The following HS2ST1 variants were observed in gnomAD, a reference collection of about 807,000 sequenced individuals.
HS2ST1 encodes heparan sulfate 2-O-sulfotransferase 1.
In HS2ST1, 18 loss-of-function variants were observed where a neutral mutation model predicts 42.9. That is an observed-to-expected ratio of 0.42 (90% CI 0.29 to 0.62). The LOEUF is 0.62. Among genes scored for constraint, HS2ST1 ranks in the 20% least tolerant of loss-of-function variants. The pLI is 0.21. For missense variants in HS2ST1, 334 were observed against 433.8 expected, an observed-to-expected ratio of 0.77 and a Z score of 2.04; for synonymous variants, 146 against 152.9, an observed-to-expected ratio of 0.95 and a Z score of 0.33.
intron 1 of HS2ST1, among the ~76,000 whole-genome samples, chr1:87,070,302 A>G (rs1056017050): frequency 6.6e-6 from 1 of 152,160 alleles, no homozygotes; most frequent in Non-Finnish European, 1.5e-5. Flanking sequence ...GAATATAATA[A>G]TGTTCAGGCC....
At chr1:87,066,839 T>C (rs1380566826) in intron 1 of HS2ST1, among the ~76,000 whole-genome samples, 1 of 152,042 alleles carries the variant, frequency 6.6e-6, no homozygotes, top group Non-Finnish European at 1.5e-5. Context: ...TTTTCTGTTC[T>C]TGTTAGTTTG....
chr1:87,104,692 A>T lies in HS2ST1; in HGVS notation c.1067A>T (p.Asn356Ile), dbSNP rs1652291815. The part of the protein sequence containing the change: ...FFYEKIYPKS[N>I] ...TATGAAAAGATTTACCCTAAGTCGAACTGAGTATAAGGTGTGACTATTGGA... is the reference window on the plus strand; with the variant it reads ...TATGAAAAGATTTACCCTAAGTCGATCTGAGTATAAGGTGTGACTATTGGA... Residue 356 changes from asparagine (N) to isoleucine (I), a missense_variant, in exon 7 of 7, where the codon AAC becomes ATC. Physicochemically the swap from Asn to Ile is moderately radical, Grantham distance 149 (BLOSUM62 -3). Transcript: ENST00000370550. The T allele has an allele frequency of 1.9e-6, 3 of 1,583,754 alleles. No homozygotes were observed. The highest frequency in any genetic ancestry group is 2.7e-5 in the African/African-American group (2 of 74,474).
At chr1:86,928,339 C>T (rs1486934057) in intron 1 of HS2ST1, among the ~76,000 whole-genome samples, 1 of 151,920 alleles carries the variant, frequency 6.6e-6, no homozygotes, top group Non-Finnish European at 1.5e-5. Context: ...CTTCTTCAAC[C>T]TTGCATTTGA....
intron 1 of HS2ST1, among the ~76,000 whole-genome samples, chr1:86,949,537 T>G (rs1182214210): frequency 6.6e-6 from 1 of 152,112 alleles, no homozygotes; most frequent in African/African-American, 2.4e-5. Context: ...GCCACTGCAC[T>G]CCACCCTGGG....
chr1:86,991,482 A>G (rs963421058), intron 1 of HS2ST1, among the ~76,000 whole-genome samples: 7 of 152,218 alleles, frequency 4.6e-5, no homozygotes, highest in African/African-American at 1.7e-4. Flanking sequence ...GTGATTGGCC[A>G]AGCCTTGTAA....
intron 1 of HS2ST1, among the ~76,000 whole-genome samples, chr1:87,067,266 A>G (rs1171802494): frequency 1.3e-5 from 2 of 152,184 alleles, no homozygotes; most frequent in African/African-American, 2.4e-5. Flanking sequence ...TTGCCATTCT[A>G]ACTGGCGTAA....
intron 1 of HS2ST1, among the ~76,000 whole-genome samples, chr1:87,059,381 T>A (rs1204353059): frequency 6.6e-6 from 1 of 152,236 alleles, no homozygotes; most frequent in Non-Finnish European, 1.5e-5. Context: ...AATTCTTGGA[T>A]CCAGAAGTAT....
rs372821170 is a variant in HS2ST1, at chr1:86,999,427, C to T, written c.125-73507C>T. On this transcript the variant is annotated intron_variant, in intron 1 of 6. Coordinates refer to ENST00000370550, the MANE Select transcript of HS2ST1 (RefSeq NM_012262.4). Reference sequence around the variant, plus strand: ...TCCCGACTTCAGATGATCCACCCACCTCAGCCTCCCAAAGTGCTGGGATTA... The same window carrying T: ...TCCCGACTTCAGATGATCCACCCACTTCAGCCTCCCAAAGTGCTGGGATTA... 2.6e-5 allele frequency among the ~76,000 whole-genome samples: 4 copies of T among 152,340 alleles called. No homozygotes were observed. The East Asian group carries it at 7.7e-4, about 29-fold the overall frequency.
At chr1:87,096,091 T>C (rs925713775) in intron 4 of HS2ST1, among the ~76,000 whole-genome samples, 6 of 152,040 alleles carry the variant, frequency 3.9e-5, no homozygotes, top group African/African-American at 1.4e-4. Context: ...TTGGTTGAAT[T>C]GAGGAAATCC....
intron 1 of HS2ST1, among the ~76,000 whole-genome samples, chr1:86,949,944 A>G (rs1430579986): frequency 6.6e-6 from 1 of 152,240 alleles, no homozygotes; most frequent in Non-Finnish European, 1.5e-5. Context: ...CAGGGCTTTT[A>G]GGACCCTAGT....
chr1:86,925,418 T>C (rs1660394566), intron 1 of HS2ST1, among the ~76,000 whole-genome samples: 1 of 152,204 alleles, frequency 6.6e-6, no homozygotes, highest in African/African-American at 2.4e-5. Context: ...GTTTACTGTT[T>C]TAGTCCGTTT....
In HS2ST1 at chr1:87,046,154, C is replaced by T. The variant is rs1650657162; in HGVS notation, c.125-26780C>T. On this transcript the variant is annotated intron_variant, in intron 1 of 6. Coordinates refer to ENST00000370550, the MANE Select transcript of HS2ST1 (RefSeq NM_012262.4). Reference sequence around the variant, plus strand: ...CTTTAGATAACAGAGCTGCCCAAAACCGTGTTAATAGAGTGTGCCTGGCAG... The same window carrying T: ...CTTTAGATAACAGAGCTGCCCAAAATCGTGTTAATAGAGTGTGCCTGGCAG... The T allele has an allele frequency of 6.7e-6, 5 of 743,052 alleles. No individual in the cohort carries two copies. In the Admixed American group the frequency reaches 8.9e-5, roughly 13 times the overall value. The allele number at this position is 743,052 out of a possible 1,614,324, so 46.0% of individuals were successfully genotyped here.
chr1:87,020,541 C>G (rs1354845696), intron 1 of HS2ST1, among the ~76,000 whole-genome samples: 1 of 152,008 alleles, frequency 6.6e-6, no homozygotes, highest in African/African-American at 2.4e-5. Flanking sequence ...ATTTTATGGC[C>G]CTTTCTCTTT....
At chr1:87,058,324 A>G (rs909944662) in intron 1 of HS2ST1, among the ~76,000 whole-genome samples, 3 of 151,798 alleles carry the variant, frequency 2.0e-5, no homozygotes, top group Middle Eastern at 3.2e-3. Context: ...CCACAGTCAT[A>G]TCTTTTTTTC....
chr1:86,914,985 G>C lies in HS2ST1; in HGVS notation c.-52G>C, dbSNP rs1660108542. On this transcript the variant is annotated 5_prime_UTR_variant, in exon 1 of 7. Coordinates refer to ENST00000370550, the MANE Select transcript of HS2ST1 (RefSeq NM_012262.4). Reference sequence around the variant, plus strand: ...CTCCCGGCGTCTCTCTCGCCTCCGGGGTCCCGCTCCCCGCCCCCCGCGGTA... The same window carrying C: ...CTCCCGGCGTCTCTCTCGCCTCCGGCGTCCCGCTCCCCGCCCCCCGCGGTA... 1 of 1,610,202 alleles carries C rather than the reference G, an allele frequency of 6.2e-7. No homozygotes were observed. Among genetic ancestry groups the C allele is most frequent in the Non-Finnish European group, 8.5e-7 (1 of 1,179,048 alleles).
chr1:86,925,859 G>A (rs1487738891), intron 1 of HS2ST1, among the ~76,000 whole-genome samples: 1 of 152,062 alleles, frequency 6.6e-6, no homozygotes. Flanking sequence ...TTTCTTGGTT[G>A]CTTTCTATTG....
chr1:87,104,959 A>C lies in HS2ST1; in HGVS notation c.*263A>C. The C allele has an allele frequency of 2.7e-6, 1 of 365,492 alleles. No homozygotes were observed. Among genetic ancestry groups the C allele is most frequent in the Non-Finnish European group, 4.9e-6 (1 of 202,034 alleles). 22.6% of individuals were successfully genotyped at this position (365,492 alleles called of 1,614,324 possible). ...CTGGGAGAAAATATACATCACCTAA[A>C]ATGAACTTATGGCAGGTCTAATCAA... On this transcript the variant is annotated 3_prime_UTR_variant, in exon 7 of 7. Transcript: ENST00000370550.
At chr1:86,998,372 T>G (rs146447413) in intron 1 of HS2ST1, among the ~76,000 whole-genome samples, 1 of 152,320 alleles carries the variant, frequency 6.6e-6, no homozygotes, top group African/African-American at 2.4e-5. Context: ...AATTATTTTT[T>G]AAAGTAATAT....
intron 1 of HS2ST1, among the ~76,000 whole-genome samples, chr1:87,030,803 A>G (rs567474295): frequency 6.6e-6 from 1 of 152,358 alleles, no homozygotes; most frequent in South Asian, 2.1e-4. Context: ...TCCTGAATAC[A>G]GAGTAGGACT....
Sources: allele counts gnomAD v4.1 joint callset (sites outside exome capture counted in the v4.1 genomes callset), GRCh38; gene constraint gnomAD v4.1.1; transcripts MANE v1.5; gene names NCBI Gene and HGNC (gene_info 2026-07-23, HGNC 2026-07-21).